Variants in ZCCHC17 observed in about 807,000 individuals in gnomAD.
The protein encoded by ZCCHC17 is zinc finger CCHC domain-containing protein 17.
A neutral mutation model predicts 30.6 loss-of-function variants in ZCCHC17; 18 were observed. The ratio of observed to expected loss-of-function variants is 0.59; its 90% confidence interval spans 0.41 to 0.87. The LOEUF is 0.87. Ranked by LOEUF, ZCCHC17 falls within the 40% of genes least tolerant of loss-of-function variation. The pLI, the probability that ZCCHC17 is intolerant of heterozygous loss-of-function variation, is 0.00. For synonymous variants in ZCCHC17, 88 were observed against 92.4 expected (o/e 0.95, Z 0.27); for missense variants, 263 against 284.2 (o/e 0.93, Z 0.54).
chr1:31,308,050 A>C (rs1553119615), intron 1 of ZCCHC17, among the ~76,000 whole-genome samples: 1 of 152,256 alleles, frequency 6.6e-6, no homozygotes, highest in Non-Finnish European at 1.5e-5. Flanking sequence ...CTGTTCTAGC[A>C]TGTGAGGTGA....
intron 2 of ZCCHC17, among the ~76,000 whole-genome samples, chr1:31,317,830 G>A (rs758720875): frequency 1.3e-5 from 2 of 152,266 alleles, no homozygotes; most frequent in South Asian, 2.1e-4. Flanking sequence ...TTCTAGGATT[G>A]TTGCTAGGAA....
intron 7 of ZCCHC17, among the ~76,000 whole-genome samples, chr1:31,351,077 TAC>T (rs1156461780): frequency 6.6e-6 from 1 of 152,056 alleles, no homozygotes; most frequent in Non-Finnish European, 1.5e-5. Flanking sequence ...TTCCTAAACA[TAC>T]ACACACACAC....
chr1:31,341,265 T>G (rs1382068382), intron 5 of ZCCHC17, among the ~76,000 whole-genome samples: 2 of 152,178 alleles, frequency 1.3e-5, no homozygotes, highest in Admixed American at 6.5e-5. Context: ...CTTTTATAAC[T>G]CAGAGTGCAG....
intron 3 of ZCCHC17, among the ~76,000 whole-genome samples, chr1:31,327,462 A>G (rs1638401996): frequency 6.6e-6 from 1 of 152,216 alleles, no homozygotes; most frequent in East Asian, 1.9e-4. Context: ...GGTTTCAGTT[A>G]CCCTAGGTCA....
intron 1 of ZCCHC17, among the ~76,000 whole-genome samples, chr1:31,307,100 C>T (rs189711322): frequency 8.8e-4 from 133 of 151,060 alleles, no homozygotes; most frequent in African/African-American, 2.9e-3. Flanking sequence ...CCTCCCAAAG[C>T]GCTGGGATTA....
rs555883626 is a variant in ZCCHC17 at position 31,322,513 on chromosome 1, C to T, written c.124+3347C>T. ...ACACAGGGTGAGACCCAAAGTGTTC[C>T]GAGTACAAAGCCTCTGTCCCCATGG... On this transcript the variant is annotated intron_variant, in intron 3 of 7. Transcript: ENST00000344147. Among the ~76,000 whole-genome samples, 23 of 152,260 alleles carry T rather than the reference C, an allele frequency of 1.5e-4. No homozygotes were observed. The South Asian group carries it at 3.3e-3, about 22-fold the overall frequency.
At chr1:31,357,477 G>A (rs542601408) in intron 7 of ZCCHC17, among the ~76,000 whole-genome samples, 1 of 152,158 alleles carries the variant, frequency 6.6e-6, no homozygotes, top group Non-Finnish European at 1.5e-5. Flanking sequence ...CATTAATAGA[G>A]CTTCTACTGT....
intron 5 of ZCCHC17, among the ~76,000 whole-genome samples, chr1:31,342,933 T>A (rs768481899): frequency 2.0e-4 from 31 of 152,194 alleles, no homozygotes; most frequent in South Asian, 2.1e-4. Context: ...AGGAAAGGAA[T>A]GAGGCAGAAA....
At chr1:31,311,585 A>G (rs977258193) in intron 2 of ZCCHC17, among the ~76,000 whole-genome samples, 2 of 152,184 alleles carry the variant, frequency 1.3e-5, no homozygotes, top group Non-Finnish European at 2.9e-5. Context: ...TCTAGTGAAG[A>G]CTACTCTGTT....
chr1:31,339,116 A>T, intron 5 of ZCCHC17, 68 bp downstream of exon 5: 1 of 1,122,622 alleles, frequency 8.9e-7, no homozygotes, highest in Non-Finnish European at 1.3e-6. Flanking sequence ...TTAGTAAATC[A>T]GACTGAACTG....
At position 31,319,238 on chromosome 1, in the gene ZCCHC17, T is replaced by C. The variant is rs944356254; in HGVS notation, c.124+72T>C. On this transcript the variant is annotated intron_variant, in intron 3 of 7. Transcript: ENST00000344147. ...CTAACACTCCACCACCTCCTAATTA[T>C]AGGCTGTACATTTTTCAGACAGTAG... 11 of 1,275,376 alleles carry C rather than the reference T, an allele frequency of 8.6e-6. No homozygotes were observed. In the African/African-American group the frequency reaches 1.6e-4, roughly 19 times the overall value. 79.0% of individuals were successfully genotyped at this position (1,275,376 alleles called of 1,614,324 possible). A position where few individuals can be genotyped will look rare whatever the true frequency, so the allele number is the denominator to read the frequency against.
chr1:31,306,939 G>A (rs1386414434), intron 1 of ZCCHC17, among the ~76,000 whole-genome samples: 1 of 152,130 alleles, frequency 6.6e-6, no homozygotes, highest in Non-Finnish European at 1.5e-5. Context: ...CCGGGTTCAA[G>A]CAATTCTCCT....
At position 31,358,840 on chromosome 1, in the gene ZCCHC17, A is replaced by G. The variant is rs180949523; in HGVS notation, c.565-5192A>G. Among the ~76,000 whole-genome samples the G allele has an allele frequency of 7.6e-4, 116 of 152,290 alleles. No individual in the cohort carries two copies. In the Middle Eastern group the frequency reaches 0.01, roughly 13 times the overall value. ...AGATATATAAATTTGGGAGTCATCT[A>G]CATATAGATGGTATTTATGTTCATG... On this transcript the variant is annotated intron_variant, in intron 7 of 7. Transcript: ENST00000344147.
At chr1:31,345,559 T>TA (rs1553124804) in intron 5 of ZCCHC17, among the ~76,000 whole-genome samples, 14 of 139,562 alleles carry the variant, frequency 1.0e-4, no homozygotes, top group Admixed American at 1.5e-4. Flanking sequence ...TATATATATA[T>TA]ATAATATAAT....
chr1:31,307,484 A>C, intron 1 of ZCCHC17, among the ~76,000 whole-genome samples: 1 of 145,990 alleles, frequency 6.8e-6, no homozygotes, highest in East Asian at 2.1e-4. Flanking sequence ...ATCTTGGCCC[A>C]CTGCAGCCTC....
rs1646558128 is a variant in ZCCHC17 at position 31,309,937 on chromosome 1, G to A, written c.-55-107G>A. On this transcript the variant is annotated intron_variant, in intron 1 of 7. Coordinates refer to ENST00000344147, the MANE Select transcript of ZCCHC17 (RefSeq NM_016505.4). ...AGAGATTTGGATAAAAGTGTATGGT[G>A]TTAAATCTAGTGGTATTATTCTGTA... The A allele has an allele frequency of 2.5e-5, 15 of 608,074 alleles. No individual in the cohort carries two copies. The South Asian group carries it at 3.7e-4, about 15-fold the overall frequency. 37.7% of individuals were successfully genotyped at this position (608,074 alleles called of 1,614,324 possible). A position where few individuals can be genotyped will look rare whatever the true frequency, so the allele number is the denominator to read the frequency against.
At chr1:31,312,207 T>G (rs1646622180) in intron 2 of ZCCHC17, among the ~76,000 whole-genome samples, 1 of 152,210 alleles carries the variant, frequency 6.6e-6, no homozygotes, top group Non-Finnish European at 1.5e-5. Flanking sequence ...ATCCTTTAGG[T>G]CTCAGCCCTA....
At chr1:31,349,084 AT>A (rs1407317022) in intron 7 of ZCCHC17, 110 bp downstream of exon 7, 4 of 1,322,230 alleles carry the variant, frequency 3.0e-6, no homozygotes, top group Non-Finnish European at 4.0e-6. Context: ...ACTTGGGAGG[AT>A]AAGGTGGGAG....
chr1:31,337,222 T>C lies in ZCCHC17; in HGVS notation c.172T>C (p.Ser58Pro). ...HMSSCRVDKP[S>P]EIVDVGDKVW... ...GTCATCCTGTCGGGTGGATAAGCCC[T>C]CTGAGATAGTAGATGTTGGAGATAA... Residue 58 changes from serine to proline, a missense_variant, in exon 4 of 8, where the codon TCT (serine) becomes CCT (proline). By Grantham distance (74) the Ser-to-Pro change is moderately conservative. Transcript: ENST00000344147. 1 of 1,614,130 alleles carries C rather than the reference T, an allele frequency of 6.2e-7. No homozygotes were observed. The highest frequency in any genetic ancestry group is 1.1e-5 in the South Asian group (1 of 91,078).
Sources: allele counts gnomAD v4.1 joint callset (sites outside exome capture counted in the v4.1 genomes callset), GRCh38; gene constraint gnomAD v4.1.1; transcripts MANE v1.5; gene names NCBI Gene and HGNC (gene_info 2026-07-23, HGNC 2026-07-21).